The following FAM240B variants were observed in gnomAD, a reference collection of about 807,000 sequenced individuals.
The protein encoded by FAM240B is protein FAM240B.
intron 1 of FAM240B, among the ~76,000 whole-genome samples, chr9:38,704,402 T>C (rs1821165052): frequency 6.6e-6 from 1 of 152,194 alleles, no homozygotes; most frequent in East Asian, 1.9e-4. Flanking sequence ...TGGAATGCAA[T>C]TGCTCTACCT....
chr9:38,716,775 G>C (rs144594072), intron 1 of FAM240B, among the ~76,000 whole-genome samples: 1 of 152,170 alleles, frequency 6.6e-6, no homozygotes, highest in African/African-American at 2.4e-5. Context: ...CCGGAAACGG[G>C]CTATGTATAT....
chr9:38,701,707 GATTT>G (rs1821129744), intron 2 of FAM240B, among the ~76,000 whole-genome samples: 1 of 152,110 alleles, frequency 6.6e-6, no homozygotes, highest in African/African-American at 2.4e-5. Flanking sequence ...TGAGCACAAA[GATTT>G]ATTCTTTCAG....
intron 2 of FAM240B, among the ~76,000 whole-genome samples, chr9:38,703,324 C>G (rs926581564): frequency 2.5e-4 from 38 of 152,208 alleles, no homozygotes; most frequent in Non-Finnish European, 1.5e-5. Context: ...ACCAACCGAT[C>G]TCAAGTCTGT....
intron 1 of FAM240B, among the ~76,000 whole-genome samples, chr9:38,717,305 G>A (rs756874711): frequency 1.1e-4 from 17 of 152,258 alleles, no homozygotes; most frequent in Non-Finnish European, 2.4e-4. Context: ...TTTTGGCCGG[G>A]CGCAGTGGCT....
chr9:38,700,077 C>T (rs1336055683), intron 2 of FAM240B, among the ~76,000 whole-genome samples: 2 of 152,220 alleles, frequency 1.3e-5, no homozygotes, highest in Non-Finnish European at 2.9e-5. Flanking sequence ...AGTGTGTTCA[C>T]ACAGGCTGAC....
rs182089343 is a variant in FAM240B at position 38,694,589 on chromosome 9, G to T, written c.*187C>A. On this transcript the variant is annotated 3_prime_UTR_variant, in exon 3 of 3. Coordinates refer to ENST00000637493, the MANE Select transcript of FAM240B (RefSeq NM_001394922.1). ...CTTGCGGTCATCCTGTCCTCTGTGC[G>T]GAGGGGATTGAGCAGGATAATAACT... 2.6e-6 allele frequency: 1 copy of T among 391,266 alleles called. No individual in the cohort carries two copies. The allele number at this position is 391,266 out of a possible 1,614,324, so 24.2% of individuals were successfully genotyped here.
At chr9:38,713,477 CAAACA>C (rs1376337525) in intron 1 of FAM240B, among the ~76,000 whole-genome samples, 634 of 13,910 alleles carry the variant, frequency 0.046, 2 homozygotes, top group African/African-American at 0.1. Context: ...GACTCCGTTT[CAAACA>C]AAAAAAAAAA....
chr9:38,707,698 G>C (rs946192779), intron 1 of FAM240B, among the ~76,000 whole-genome samples: 3 of 151,514 alleles, frequency 2.0e-5, no homozygotes, highest in African/African-American at 7.3e-5. Context: ...GGAGGCTGAG[G>C]CAGGAGAATC....
At chr9:38,703,729 T>G (rs140321129) in intron 2 of FAM240B, 128 bp downstream of exon 2, 31 of 396,442 alleles carry the variant, frequency 7.8e-5, no homozygotes, top group African/African-American at 6.0e-4. Context: ...ATTTATGCTT[T>G]CATGTACAGC....
At chr9:38,700,214 T>C (rs772163885) in intron 2 of FAM240B, among the ~76,000 whole-genome samples, 1 of 152,260 alleles carries the variant, frequency 6.6e-6, no homozygotes, top group Non-Finnish European at 1.5e-5. Flanking sequence ...TCTTGTCTTA[T>C]AAAAAGTTTG....
chr9:38,707,466 A>G (rs74863893), intron 1 of FAM240B, among the ~76,000 whole-genome samples: 2,356 of 152,106 alleles, frequency 0.015, 30 homozygotes, highest in Admixed American at 0.024. Flanking sequence ...CCAAGGAGTA[A>G]ATTAATTCAG....
At chr9:38,702,882 A>T (rs139411823) in intron 2 of FAM240B, among the ~76,000 whole-genome samples, 53 of 152,308 alleles carry the variant, frequency 3.5e-4, no homozygotes, top group African/African-American at 1.2e-3. Flanking sequence ...GGTAGCGAAC[A>T]GATTGTTTTA....
intron 2 of FAM240B, among the ~76,000 whole-genome samples, chr9:38,701,927 C>T (rs1262554205): frequency 3.3e-5 from 5 of 151,312 alleles, no homozygotes; most frequent in African/African-American, 1.2e-4. Flanking sequence ...CACACACAAT[C>T]TGTCATCTTA....
chr9:38,713,041 C>T (rs1004962612), intron 1 of FAM240B, among the ~76,000 whole-genome samples: 1 of 152,172 alleles, frequency 6.6e-6, no homozygotes, highest in Non-Finnish European at 1.5e-5. Flanking sequence ...CAGGTCCATT[C>T]TGCGTGCTCA....
At chr9:38,713,142 A>G (rs979208929) in intron 1 of FAM240B, among the ~76,000 whole-genome samples, 2 of 152,188 alleles carry the variant, frequency 1.3e-5, no homozygotes, top group African/African-American at 4.8e-5. Context: ...GTACCACTCC[A>G]GGGATCATGA....
At chr9:38,698,139 T>A (rs1179679808) in intron 2 of FAM240B, among the ~76,000 whole-genome samples, 1 of 152,214 alleles carries the variant, frequency 6.6e-6, no homozygotes, top group Non-Finnish European at 1.5e-5. Context: ...ACCCTTGGTC[T>A]CGACTTAAAA....
intron 1 of FAM240B, among the ~76,000 whole-genome samples, chr9:38,718,706 T>C (rs760140974): frequency 2.0e-5 from 3 of 152,132 alleles, no homozygotes; most frequent in Non-Finnish European, 4.4e-5. Flanking sequence ...ATCAGTTTCA[T>C]TGCATTCTTA....
At chr9:38,716,957 C>T (rs1461446358) in intron 1 of FAM240B, among the ~76,000 whole-genome samples, 1 of 152,220 alleles carries the variant, frequency 6.6e-6, no homozygotes, top group African/African-American at 2.4e-5. Flanking sequence ...TCCTGCCCCA[C>T]ACTGTGTGCT....
intron 2 of FAM240B, among the ~76,000 whole-genome samples, chr9:38,703,423 T>C (rs1341260977): frequency 6.6e-6 from 1 of 152,212 alleles, no homozygotes; most frequent in Non-Finnish European, 1.5e-5. Flanking sequence ...ACCAGGCAAC[T>C]GGAAACAACT....
Sources: gnomAD v4.1 joint callset for allele counts (sites outside exome capture counted in the v4.1 genomes callset) on GRCh38, gnomAD v4.1.1 for gene constraint, MANE v1.5 for transcripts, NCBI Gene and HGNC (gene_info 2026-07-23, HGNC 2026-07-21) for gene names.